BRCA2: variants seen among roughly 807,000 people sequenced by gnomAD.
BRCA2 encodes the protein BRCA2 DNA repair associated.
In BRCA2, 203 loss-of-function variants were observed where a neutral mutation model predicts 276.7. The observed-to-expected ratio is 0.73, with a 90% confidence interval of 0.65 to 0.82. The LOEUF (loss-of-function observed/expected upper bound fraction) is 0.82, where lower values mean the gene tolerates loss of function less well. Among genes scored for constraint, BRCA2 ranks in the 40% least tolerant of loss-of-function variants. BRCA2 has a pLI of 0.00. For missense variants in BRCA2, 3,920 were observed against 3,915.0 expected (o/e 1.00, Z -0.03); for synonymous variants, 1,289 against 1,338.4 (o/e 0.96, Z 0.81).
intron 21 of BRCA2, among the ~76,000 whole-genome samples, chr13:32,378,297 G>C (rs926589302): frequency 2.6e-5 from 4 of 152,182 alleles, no homozygotes; most frequent in Non-Finnish European, 4.4e-5. Flanking sequence ...CTTCTATCAA[G>C]GGAAAACCTA....
intron 24 of BRCA2, among the ~76,000 whole-genome samples, chr13:32,387,714 G>C (rs553069872): frequency 8.5e-5 from 13 of 152,282 alleles, no homozygotes; most frequent in African/African-American, 3.1e-4. Context: ...TTTGAAGTTC[G>C]TAGTAGATAG....
At chr13:32,390,913 A>G (rs2072992493) in intron 24 of BRCA2, among the ~76,000 whole-genome samples, 1 of 152,176 alleles carries the variant, frequency 6.6e-6, no homozygotes, top group South Asian at 2.1e-4. Context: ...ATTTGCTATT[A>G]TCATCCCACT....
chr13:32,389,824 T>C (rs957818195), intron 24 of BRCA2, among the ~76,000 whole-genome samples: 3 of 152,214 alleles, frequency 2.0e-5, no homozygotes, highest in African/African-American at 7.2e-5. Context: ...CAGTCAGTCC[T>C]GGTCACCTGT....
At chr13:32,328,257 T>TC (rs1185877764) in intron 7 of BRCA2, among the ~76,000 whole-genome samples, 14 of 150,450 alleles carry the variant, frequency 9.3e-5, no homozygotes, top group Non-Finnish European at 1.5e-4. Context: ...TTTTTTTTTT[T>TC]TTGAGGCGGA....
chr13:32,365,721 C>CTTTTTTTTTTTTTTTTTTTTTTTACT (rs36116910), intron 18 of BRCA2, among the ~76,000 whole-genome samples: 1 of 105,882 alleles, frequency 9.4e-6, no homozygotes, highest in Non-Finnish European at 1.9e-5. Flanking sequence ...ACTTTGGTGT[C>CTTTTTTTTTTTTTTTTTTTTTTTACT]TTTTTTTTTT....
rs1555287798 is a variant in BRCA2, at chr13:32,371,117, G to C, written c.8632+17G>C. 6.2e-7 allele frequency: 1 copy of C among 1,610,188 alleles called. No homozygotes were observed. The highest frequency in any genetic ancestry group is 1.3e-5 in the African/African-American group (1 of 74,884). On this transcript the variant is annotated intron_variant, in intron 20 of 26. Transcript: ENST00000380152. Reference sequence around the variant, plus strand: ...AACATGAAGGTAAAATTAGTTATATGGTACACATTGTTATTTCTAATATGA... The same window carrying C: ...AACATGAAGGTAAAATTAGTTATATCGTACACATTGTTATTTCTAATATGA...
intron 24 of BRCA2, 89 bp from the exon 25 acceptor site, chr13:32,394,600 A>C (rs1233433366): frequency 6.9e-7 from 1 of 1,459,002 alleles, no homozygotes; most frequent in Non-Finnish European, 9.3e-7. Flanking sequence ...ATACCAAAAT[A>C]AATAGGCATA....
chr13:32,341,024 T>C lies in BRCA2; in HGVS notation c.6669T>C (p.Phe2223=), dbSNP rs1555284788. The part of the protein sequence containing the change: ...STYSKDSENY[F]ETEAVEIAKA... ...ACTCCAAAGATTCAGAAAACTACTT[T>C]GAAACAGAAGCAGTAGAAATTGCTA... Residue 2223 remains phenylalanine (F), a synonymous_variant, in exon 11 of 27, where the codon TTT becomes TTC. Coordinates refer to ENST00000380152, the MANE Select transcript of BRCA2 (RefSeq NM_000059.4). The C allele has an allele frequency of 6.2e-7, 1 of 1,613,628 alleles. No homozygotes were observed. Among genetic ancestry groups the C allele is most frequent in the African/African-American group, 1.3e-5 (1 of 75,034 alleles).
In BRCA2 at chr13:32,346,841, C is replaced by G. The variant is rs80358920; in HGVS notation, c.6952C>G (p.Arg2318Gly). Residue 2318 changes from arginine (R) to glycine (G), a missense_variant, in exon 13 of 27, where the codon CGA (arginine) becomes GGA (glycine). By Grantham distance (125) the Arg-to-Gly change is moderately radical (BLOSUM62 -2). This residue lies in a region of BRCA2 where 3,263 missense variants were observed against 3,156.9 expected (regional missense o/e 1.03). Transcript: ENST00000380152. ...TTGTTTCCTAGGCACAATAAAAGAT[C>G]GAAGATTGTTTATGCATCATGTTTC... ...KSTPDGTIKDRRLFMHHVSLE... is the reference protein window; with the variant it reads ...KSTPDGTIKDGRLFMHHVSLE... 6 of 1,607,640 alleles carry G rather than the reference C, an allele frequency of 3.7e-6. No individual in the cohort carries two copies. Among genetic ancestry groups the G allele is most frequent in the Non-Finnish European group, 5.1e-6 (6 of 1,176,102 alleles).
intron 11 of BRCA2, 33 bp from the exon 12 acceptor site, chr13:32,344,525 C>A (rs2137536579): frequency 7.3e-7 from 1 of 1,361,250 alleles, no homozygotes; most frequent in Non-Finnish European, 1.0e-6. Flanking sequence ...ATATTATTTG[C>A]CTTAAAAACA....
intron 3 of BRCA2, 132 bp downstream of exon 3, chr13:32,319,457 A>G: frequency 1.1e-6 from 1 of 898,634 alleles, no homozygotes; most frequent in Non-Finnish European, 1.7e-6. Context: ...CTTTTTCCTC[A>G]CTCGAAAAAT....
At chr13:32,395,510 A>G (rs1053500375) in intron 25 of BRCA2, among the ~76,000 whole-genome samples, 3 of 152,182 alleles carry the variant, frequency 2.0e-5, no homozygotes, top group Non-Finnish European at 2.9e-5. Flanking sequence ...CTTATGAGGT[A>G]GGGAACTGTT....
At chr13:32,383,197 A>G (rs891627851) in intron 24 of BRCA2, among the ~76,000 whole-genome samples, 3 of 144,036 alleles carry the variant, frequency 2.1e-5, no homozygotes, top group African/African-American at 7.6e-5. Flanking sequence ...CGTCTCTACT[A>G]AAAATACAAA....
chr13:32,384,030 C>A (rs1344118702), intron 24 of BRCA2, among the ~76,000 whole-genome samples: 1 of 152,056 alleles, frequency 6.6e-6, no homozygotes, highest in African/African-American at 2.4e-5. Flanking sequence ...GACAGAATGA[C>A]AGTGAGTTAT....
chr13:32,336,572 C>T lies in BRCA2; in HGVS notation c.2217C>T (p.His739=), dbSNP rs1131692117. 3 of 1,614,002 alleles carry T rather than the reference C, an allele frequency of 1.9e-6. No homozygotes were observed. The highest frequency in any genetic ancestry group is 2.5e-6 in the Non-Finnish European group (3 of 1,179,958). The change falls in exon 11 of 27, where the codon CAC becomes CAT. Residue 739 remains histidine, a synonymous_variant. Transcript: ENST00000380152. Reference sequence around the variant, plus strand: ...AAGAGGTCTTGGCTGCAGCATGTCACCCAGTACAACATTCAAAAGTGGAAT... The same window carrying T: ...AAGAGGTCTTGGCTGCAGCATGTCATCCAGTACAACATTCAAAAGTGGAAT... ...IKEEVLAAAC[H]PVQHSKVEYS... is the part of the protein sequence containing the mutation.
intron 10 of BRCA2, among the ~76,000 whole-genome samples, chr13:32,334,903 A>G (rs373051428): frequency 7.2e-5 from 11 of 152,280 alleles, no homozygotes; most frequent in African/African-American, 2.6e-4. Context: ...TTACAAAGTG[A>G]TTTTATCTCC....
At position 32,357,725 on chromosome 13, in the gene BRCA2, G is replaced by C. The variant is rs754065641; in HGVS notation, c.7618-17G>C. On this transcript the variant is annotated splice_polypyrimidine_tract_variant and intron_variant, in intron 15 of 26. Coordinates refer to ENST00000380152, the MANE Select transcript of BRCA2 (RefSeq NM_000059.4). ...TTTAAATTGTTTTTCTTTTTTGTGT[G>C]TGTTTATTTTGTGTAGCTGTATACG... 6.2e-7 allele frequency: 1 copy of C among 1,604,082 alleles called. No homozygotes were observed. The highest frequency in any genetic ancestry group is 2.2e-5 in the East Asian group (1 of 44,770).
At chr13:32,317,189 ACT>A (rs1168369925) in intron 2 of BRCA2, among the ~76,000 whole-genome samples, 4 of 152,188 alleles carry the variant, frequency 2.6e-5, no homozygotes, top group African/African-American at 4.8e-5. Flanking sequence ...ACATAGCATG[ACT>A]CTGTCTCAAA....
intron 3 of BRCA2, among the ~76,000 whole-genome samples, chr13:32,324,012 C>T (rs1042497582): frequency 6.6e-6 from 1 of 152,190 alleles, no homozygotes; most frequent in Non-Finnish European, 1.5e-5. Flanking sequence ...TTACTGTCTG[C>T]AACTCACTTT....
Sources: allele counts gnomAD v4.1 joint callset (sites outside exome capture counted in the v4.1 genomes callset), GRCh38; gene constraint gnomAD v4.1.1; regional missense constraint gnomAD v4.1.1; transcripts MANE v1.5; gene names NCBI Gene and HGNC (gene_info 2026-07-23, HGNC 2026-07-21).